Variants in ZFPM2 observed in about 807,000 individuals in gnomAD.
ZFPM2 encodes zinc finger protein, FOG family member 2, also known as zinc finger protein ZFPM2.
ZFPM2 carries 20 observed loss-of-function variants against 98.6 expected under a neutral mutation model. The observed-to-expected ratio is 0.20, with a 90% CI of 0.14 to 0.29. The LOEUF is 0.29. Among genes scored for constraint, ZFPM2 ranks in the 10% least tolerant of loss-of-function variants. The pLI, the probability that ZFPM2 is intolerant of heterozygous loss-of-function variation, is 1.00. For missense variants in ZFPM2, 1,310 were observed against 1,388.6 expected (o/e 0.94, Z 0.90); for synonymous variants, 518 against 502.7 (o/e 1.03, Z -0.41).
At chr8:105,394,830 C>G (rs1341352518) in intron 1 of ZFPM2, among the ~76,000 whole-genome samples, 2 of 152,086 alleles carry the variant, frequency 1.3e-5, no homozygotes, top group South Asian at 4.1e-4. Context: ...ATTTTTCATG[C>G]CTTCAACATT....
At chr8:105,608,666 T>C (rs1816246167) in intron 4 of ZFPM2, among the ~76,000 whole-genome samples, 1 of 148,242 alleles carries the variant, frequency 6.7e-6, no homozygotes, top group African/African-American at 2.5e-5. Flanking sequence ...TTAGAGAAGA[T>C]GAAATTCATT....
chr8:105,492,154 A>T (rs1266902966), intron 3 of ZFPM2, among the ~76,000 whole-genome samples: 1 of 152,162 alleles, frequency 6.6e-6, no homozygotes, highest in East Asian at 1.9e-4. Flanking sequence ...AAGAAATTCA[A>T]ATATGTTTCT....
Position 105,798,830 on chromosome 8 carries a change from G to C in ZFPM2, c.846G>C (p.Pro282=). Residue 282 remains proline, a synonymous_variant, in exon 7 of 8, where the codon CCG becomes CCC. Transcript: ENST00000407775. ...YCSGRQREAA[P]VSEENEDSAH... Reference sequence around the variant, plus strand: ...GTGGGAGGCAAAGAGAAGCTGCTCCGGTGTCAGAGGAAAATGAAGACAGTG... The same window carrying C: ...GTGGGAGGCAAAGAGAAGCTGCTCCCGTGTCAGAGGAAAATGAAGACAGTG... The C allele has an allele frequency of 6.2e-7, 1 of 1,613,910 alleles. No individual in the cohort carries two copies. Among genetic ancestry groups the C allele is most frequent in the East Asian group, 2.2e-5 (1 of 44,872 alleles).
chr8:105,580,929 T>A (rs147534529), intron 4 of ZFPM2, among the ~76,000 whole-genome samples: 1 of 151,876 alleles, frequency 6.6e-6, no homozygotes, highest in East Asian at 1.9e-4. Flanking sequence ...TGTTGTGTCA[T>A]GGTGAAAATT....
chr8:105,622,857 A>G (rs1339671203), intron 4 of ZFPM2, among the ~76,000 whole-genome samples: 4 of 152,114 alleles, frequency 2.6e-5, no homozygotes, highest in Non-Finnish European at 4.4e-5. Context: ...AACCACTCTT[A>G]TGGTTCTGAA....
At chr8:105,629,529 T>TA (rs1316082220) in intron 4 of ZFPM2, among the ~76,000 whole-genome samples, 3 of 152,182 alleles carry the variant, frequency 2.0e-5, no homozygotes. Context: ...CTTGAGGGCT[T>TA]AAAACAACAG....
chr8:105,446,377 C>T (rs1812370575), intron 3 of ZFPM2, among the ~76,000 whole-genome samples: 1 of 152,054 alleles, frequency 6.6e-6, no homozygotes, highest in Non-Finnish European at 1.5e-5. Context: ...AGGTTTTTAT[C>T]TTTGTTTATG....
intron 3 of ZFPM2, among the ~76,000 whole-genome samples, chr8:105,515,492 T>C (rs1312300901): frequency 6.6e-6 from 1 of 152,192 alleles, no homozygotes; most frequent in African/African-American, 2.4e-5. Flanking sequence ...AGTATCTTAT[T>C]TTTTTAAGCC....
chr8:105,417,004 T>A (rs1811691757), intron 1 of ZFPM2, among the ~76,000 whole-genome samples: 1 of 152,136 alleles, frequency 6.6e-6, no homozygotes, highest in Non-Finnish European at 1.5e-5. Flanking sequence ...AAAGTATTTT[T>A]AAAATCTCTT....
chr8:105,757,811 T>C (rs1812638780), intron 5 of ZFPM2, among the ~76,000 whole-genome samples: 2 of 152,140 alleles, frequency 1.3e-5, no homozygotes, highest in African/African-American at 4.8e-5. Context: ...TGTGAAATTA[T>C]GTCATGTGTG....
intron 5 of ZFPM2, among the ~76,000 whole-genome samples, chr8:105,638,982 G>A (rs1816900638): frequency 6.6e-6 from 1 of 151,934 alleles, no homozygotes; most frequent in Non-Finnish European, 1.5e-5. Flanking sequence ...GACATTGATG[G>A]ACCAGACCTG....
intron 3 of ZFPM2, among the ~76,000 whole-genome samples, chr8:105,530,700 T>A (rs2130581115): frequency 6.6e-6 from 1 of 152,270 alleles, no homozygotes; most frequent in Middle Eastern, 3.4e-3. Flanking sequence ...ACCTTATTTA[T>A]CTATTAAAGA....
intron 6 of ZFPM2, among the ~76,000 whole-genome samples, chr8:105,790,237 T>C (rs970309754): frequency 3.8e-4 from 58 of 151,314 alleles, no homozygotes; most frequent in African/African-American, 1.4e-3. Context: ...TTTAAGTCTT[T>C]AATCCATCTT....
chr8:105,786,460 T>C (rs1347001185), intron 5 of ZFPM2, among the ~76,000 whole-genome samples: 1 of 151,976 alleles, frequency 6.6e-6, no homozygotes, highest in African/African-American at 2.4e-5. Context: ...TAACGAATGA[T>C]TTGAAAGATT....
At chr8:105,796,530 G>GTTAA (rs1813821606) in intron 6 of ZFPM2, among the ~76,000 whole-genome samples, 2 of 152,162 alleles carry the variant, frequency 1.3e-5, no homozygotes, top group African/African-American at 2.4e-5. Flanking sequence ...AAAATTAAAT[G>GTTAA]TTAATTTGAA....
intron 4 of ZFPM2, among the ~76,000 whole-genome samples, chr8:105,605,782 C>G (rs1418930117): frequency 6.6e-6 from 1 of 152,032 alleles, no homozygotes; most frequent in Admixed American, 6.6e-5. Context: ...GTATGCAATG[C>G]TCTCCATTTT....
rs1363866467 is a variant in ZFPM2 at position 105,318,771 on chromosome 8, T to G, written c.-171T>G. 1 of 167,956 alleles carries G rather than the reference T, an allele frequency of 6.0e-6. No individual in the cohort carries two copies. The allele number at this position is 167,956 out of a possible 1,614,324, so 10.4% of individuals were successfully genotyped here. ...TCATTTGCTTGCTCATCTCCGAACG[T>G]GAATCCGCGGCTCCCGGAGGAGCCC... On this transcript the variant is annotated 5_prime_UTR_variant, in exon 1 of 8. Coordinates refer to ENST00000407775, the MANE Select transcript of ZFPM2 (RefSeq NM_012082.4).
intron 6 of ZFPM2, among the ~76,000 whole-genome samples, chr8:105,791,927 G>C (rs1467201420): frequency 6.6e-6 from 1 of 152,106 alleles, no homozygotes; most frequent in African/African-American, 2.4e-5. Flanking sequence ...CTGTGGGATC[G>C]CTGGTGATAT....
At chr8:105,788,959 G>A (rs1300136255) in intron 6 of ZFPM2, 35 bp downstream of exon 6, 2 of 1,524,722 alleles carry the variant, frequency 1.3e-6, no homozygotes, top group African/African-American at 1.4e-5. Flanking sequence ...CAGCTTTAGA[G>A]GTGATGGGAA....
Sources: allele counts gnomAD v4.1 joint callset (sites outside exome capture counted in the v4.1 genomes callset), GRCh38; gene constraint gnomAD v4.1.1; transcripts MANE v1.5; gene names NCBI Gene and HGNC (gene_info 2026-07-23, HGNC 2026-07-21).